Variants in ARHGEF10L observed in about 807,000 individuals in gnomAD.
ARHGEF10L encodes the protein rho guanine nucleotide exchange factor 10-like protein.
In ARHGEF10L, 69 loss-of-function variants were observed where a neutral mutation model predicts 141.2. The ratio of observed to expected loss-of-function variants is 0.49; its 90% CI spans 0.40 to 0.60. The LOEUF is 0.60. Among genes scored for constraint, ARHGEF10L ranks in the 20% least tolerant of loss-of-function variants. The pLI, the probability that ARHGEF10L is intolerant of heterozygous loss-of-function variation, is 0.00. For missense variants in ARHGEF10L, 1,482 were observed against 1,734.3 expected, an observed-to-expected ratio of 0.85 and a Z score of 2.58; for synonymous variants, 711 against 718.5, an observed-to-expected ratio of 0.99 and a Z score of 0.17.
chr1:17,569,007 T>C (rs1195842655), intron 1 of ARHGEF10L, among the ~76,000 whole-genome samples: 2 of 152,184 alleles, frequency 1.3e-5, no homozygotes, highest in Non-Finnish European at 2.9e-5. Context: ...ATTGGCCTGA[T>C]CCTGATGGAT....
At chr1:17,574,971 C>T (rs1023432187) in intron 1 of ARHGEF10L, among the ~76,000 whole-genome samples, 4 of 152,222 alleles carry the variant, frequency 2.6e-5, no homozygotes, top group African/African-American at 7.2e-5. Context: ...TCCTCTGGGC[C>T]GAAGCCCCAC....
At chr1:17,568,902 A>G (rs1036462242) in intron 1 of ARHGEF10L, among the ~76,000 whole-genome samples, 1 of 152,034 alleles carries the variant, frequency 6.6e-6, no homozygotes, top group Non-Finnish European at 1.5e-5. Context: ...CCCTCCCCCA[A>G]CACCTCCAGC....
At chr1:17,552,637 T>G in intron 1 of ARHGEF10L, among the ~76,000 whole-genome samples, 1 of 136,182 alleles carries the variant, frequency 7.3e-6, no homozygotes, top group Non-Finnish European at 1.5e-5. Context: ...TCAGCCAGGC[T>G]GGTCTCAAAC....
intron 27 of ARHGEF10L, chr1:17,689,811 C>T (rs1558044357): frequency 4.4e-6 from 2 of 455,884 alleles, no homozygotes; most frequent in South Asian, 3.1e-5. Context: ...TTTGGAATCT[C>T]GTCTTGTCTG....
At chr1:17,536,167 T>C (rs1017364471), upstream of ARHGEF10L, among the ~76,000 whole-genome samples, 1 of 152,172 alleles carries the variant, frequency 6.6e-6, no homozygotes, top group Non-Finnish European at 1.5e-5. Flanking sequence ...GTGCATTCAT[T>C]TGTGCTGTGG....
At chr1:17,579,264 G>T (rs1009438821) in intron 1 of ARHGEF10L, among the ~76,000 whole-genome samples, 1 of 151,864 alleles carries the variant, frequency 6.6e-6, no homozygotes, top group Non-Finnish European at 1.5e-5. Flanking sequence ...GAAGTGATCC[G>T]CCCACCTCAG....
chr1:17,696,749 A>G (rs1394070980), intron 28 of ARHGEF10L, 99 bp from the exon 29 acceptor site: 1 of 1,085,212 alleles, frequency 9.2e-7, no homozygotes, highest in South Asian at 1.8e-5. Context: ...TGACCCCCCC[A>G]AATACCCACC....
chr1:17,617,667 A>G (rs1267774224), intron 9 of ARHGEF10L, among the ~76,000 whole-genome samples: 2 of 152,244 alleles, frequency 1.3e-5, no homozygotes, highest in Non-Finnish European at 2.9e-5. Context: ...GCCTCGAGCC[A>G]GGCAGGACTT....
chr1:17,579,889 G>A (rs1432737253), intron 1 of ARHGEF10L, among the ~76,000 whole-genome samples: 1 of 152,232 alleles, frequency 6.6e-6, no homozygotes, highest in African/African-American at 2.4e-5. Context: ...CCACTGTGAG[G>A]GGAGGGCGGT....
chr1:17,618,165 C>T (rs1247773487), intron 9 of ARHGEF10L: 3 of 228,474 alleles, frequency 1.3e-5, no homozygotes, highest in Non-Finnish European at 2.2e-5. Context: ...TGAGATGGTC[C>T]GAAGACAGGA....
chr1:17,649,071 A>G (rs775278346), intron 22 of ARHGEF10L, among the ~76,000 whole-genome samples: 1 of 152,218 alleles, frequency 6.6e-6, no homozygotes, highest in African/African-American at 2.4e-5. Context: ...GGAATGCTCC[A>G]GCGCCATCAG....
At chr1:17,678,378 C>G (rs538523532) in intron 26 of ARHGEF10L, among the ~76,000 whole-genome samples, 1 of 151,164 alleles carries the variant, frequency 6.6e-6, no homozygotes, top group South Asian at 2.1e-4. Context: ...TTCTATTCCA[C>G]TTCCTCCAGA....
intron 1 of ARHGEF10L, among the ~76,000 whole-genome samples, chr1:17,557,354 A>C (rs1196722879): frequency 6.6e-6 from 1 of 150,718 alleles, no homozygotes; most frequent in Admixed American, 6.6e-5. Flanking sequence ...AAAAAAAAAA[A>C]ACAAAAAAAA....
At position 17,656,248 on chromosome 1, in the gene ARHGEF10L, C is replaced by A; in HGVS notation, c.2705+146C>A. 1 of 1,058,674 alleles carries A rather than the reference C, an allele frequency of 9.4e-7. No homozygotes were observed. Among genetic ancestry groups the A allele is most frequent in the Non-Finnish European group, 1.4e-6 (1 of 740,080 alleles). 65.6% of individuals were successfully genotyped at this position (1,058,674 alleles called of 1,614,324 possible). A position where few individuals can be genotyped will look rare whatever the true frequency, so the allele number is the denominator to read the frequency against. ...CAGGAAGGTGGGCACCAGAGCTGCC[C>A]AGTGTGGGAGCCAAAGTGTCGGGAG... On this transcript the variant is annotated intron_variant, in intron 24 of 28. Coordinates refer to ENST00000361221, the MANE Select transcript of ARHGEF10L (RefSeq NM_018125.4). The surrounding 1 kb of genome is among the most constrained non-coding windows in gnomAD (Gnocchi z 4.9).
At position 17,613,089 on chromosome 1, in the gene ARHGEF10L, G is replaced by T. The variant is rs888324796; in HGVS notation, c.641G>T (p.Arg214Ile). The T allele has an allele frequency of 5.0e-6, 8 of 1,614,116 alleles. No homozygotes were observed. Among genetic ancestry groups the T allele is most frequent in the Non-Finnish European group, 6.8e-6 (8 of 1,180,002 alleles). Reference sequence around the variant, plus strand: ...CCAGACCTGACTAGGCTAAAGGAGAGATACGCCAGGACTAAGAGAGACATC... The same window carrying T: ...CCAGACCTGACTAGGCTAAAGGAGATATACGCCAGGACTAAGAGAGACATC... ...LSPDLTRLKE[R>I]YARTKRDILA... Residue 214 changes from arginine (R) to isoleucine (I), a missense_variant, in exon 8 of 29, where the codon AGA becomes ATA. Coordinates refer to ENST00000361221, the MANE Select transcript of ARHGEF10L (RefSeq NM_018125.4).
intron 1 of ARHGEF10L, among the ~76,000 whole-genome samples, chr1:17,576,737 G>C (rs576882367): frequency 6.6e-6 from 1 of 152,174 alleles, no homozygotes; most frequent in South Asian, 2.1e-4. Context: ...AGCACAGGAC[G>C]CTCAGGAAGC....
chr1:17,669,861 C>A (rs2063207490), intron 26 of ARHGEF10L, among the ~76,000 whole-genome samples: 1 of 152,198 alleles, frequency 6.6e-6, no homozygotes, highest in South Asian at 2.1e-4. Flanking sequence ...TGTGCAGAGA[C>A]AGAGCTGGGA....
intron 1 of ARHGEF10L, among the ~76,000 whole-genome samples, chr1:17,551,134 A>G (rs1049177135): frequency 1.3e-5 from 2 of 151,918 alleles, no homozygotes; most frequent in African/African-American, 4.8e-5. Flanking sequence ...GCAGAGGAGG[A>G]TTCCAAAGCT....
chr1:17,690,898 A>C (rs2065052538), intron 27 of ARHGEF10L, among the ~76,000 whole-genome samples: 1 of 152,182 alleles, frequency 6.6e-6, no homozygotes, highest in Non-Finnish European at 1.5e-5. Context: ...TCTTTATTAG[A>C]GATATTTTTA....
Sources: gnomAD v4.1 joint callset for allele counts (sites outside exome capture counted in the v4.1 genomes callset) on GRCh38, gnomAD v4.1.1 for gene constraint, Gnocchi (gnomAD v3.1) non-coding constraint, MANE v1.5 for transcripts, NCBI Gene and HGNC (gene_info 2026-07-23, HGNC 2026-07-21) for gene names.